Variants in SORCS2 observed in about 807,000 individuals in gnomAD.
SORCS2 encodes sortilin related VPS10 domain containing receptor 2, also known as VPS10 domain-containing receptor SorCS2.
A neutral mutation model predicts 141.6 loss-of-function variants in SORCS2; 100 were observed. The observed-to-expected ratio is 0.71, with a 90% CI of 0.60 to 0.83. The LOEUF is 0.83. SORCS2 is among the 40% of genes least tolerant of loss of function. The pLI is 0.00. For synonymous variants in SORCS2, 789 were observed against 676.9 expected, an observed-to-expected ratio of 1.17 and a Z score of -2.57; for missense variants, 1,646 against 1,560.2, an observed-to-expected ratio of 1.05 and a Z score of -0.93.
intron 4 of SORCS2, among the ~76,000 whole-genome samples, chr4:7,653,269 G>A (rs1293182257): frequency 6.6e-6 from 1 of 152,146 alleles, no homozygotes; most frequent in African/African-American, 2.4e-5. Flanking sequence ...TTCAGGTGGA[G>A]TTTTGCTCTT....
chr4:7,378,436 G>A (rs536673170), intron 1 of SORCS2, among the ~76,000 whole-genome samples: 1 of 152,272 alleles, frequency 6.6e-6, no homozygotes, highest in South Asian at 2.1e-4. Context: ...TAATCATGGT[G>A]GAAGAGGAAG....
chr4:7,430,460 C>T (rs991965399), intron 2 of SORCS2: 1 of 152,296 alleles, frequency 6.6e-6, no homozygotes, highest in African/African-American at 2.4e-5. Context: ...CCCTCTGCAT[C>T]TGGTGTGGCC....
intron 1 of SORCS2, among the ~76,000 whole-genome samples, chr4:7,205,115 A>C (rs1727664510): frequency 6.6e-6 from 1 of 152,194 alleles, no homozygotes; most frequent in South Asian, 2.1e-4. Flanking sequence ...CTGATTTTTC[A>C]TTTGACCATC....
intron 1 of SORCS2, among the ~76,000 whole-genome samples, chr4:7,278,312 T>A (rs1715643509): frequency 6.6e-6 from 1 of 152,174 alleles, no homozygotes; most frequent in Non-Finnish European, 1.5e-5. Flanking sequence ...GTCTGCCTGG[T>A]TGGGACGAGT....
At chr4:7,703,156 G>C (rs1317514334) in intron 12 of SORCS2, 124 bp from the exon 13 acceptor site, 2 of 718,762 alleles carry the variant, frequency 2.8e-6, no homozygotes, top group African/African-American at 3.6e-5. Flanking sequence ...CCTCAGACCG[G>C]CCTTGGCCTC....
intron 2 of SORCS2, chr4:7,434,650 C>A: frequency 6.2e-7 from 1 of 1,613,278 alleles, no homozygotes; most frequent in Non-Finnish European, 8.5e-7. Context: ...AGGGTTCAGC[C>A]CATTGCCAGC....
At chr4:7,296,493 C>T (rs535916041) in intron 1 of SORCS2, among the ~76,000 whole-genome samples, 68 of 152,268 alleles carry the variant, frequency 4.5e-4, no homozygotes, top group African/African-American at 1.5e-3. Context: ...GGGCCCTCTG[C>T]GGGACTCCAC....
At chr4:7,288,801 A>G (rs7684433) in intron 1 of SORCS2, among the ~76,000 whole-genome samples, 93,088 of 118,076 alleles carry the variant, frequency 0.79, 36,021 homozygotes, top group Non-Finnish European at 0.82. Flanking sequence ...TGGGGGGGGG[A>G]GTTGGGGAGG....
chr4:7,376,623 G>C (rs1315337165), intron 1 of SORCS2, among the ~76,000 whole-genome samples: 1 of 151,984 alleles, frequency 6.6e-6, no homozygotes, highest in Non-Finnish European at 1.5e-5. Flanking sequence ...ATACCCAGAG[G>C]TCATTATTTT....
chr4:7,685,949 G>A (rs1434581101), intron 10 of SORCS2, among the ~76,000 whole-genome samples: 1 of 152,184 alleles, frequency 6.6e-6, no homozygotes, highest in Non-Finnish European at 1.5e-5. Flanking sequence ...GGGAAATAAG[G>A]TATCACCAGA....
At chr4:7,626,473 C>T (rs751451458) in intron 3 of SORCS2, among the ~76,000 whole-genome samples, 3 of 152,188 alleles carry the variant, frequency 2.0e-5, no homozygotes, top group Non-Finnish European at 4.4e-5. Flanking sequence ...AATGTACTAT[C>T]GTCTCGTCAC....
Position 7,349,470 on chromosome 4 carries a change from C to T in SORCS2, c.481-46818C>T, listed in dbSNP as rs4082661. On this transcript the variant is annotated intron_variant, in intron 1 of 26. Transcript: ENST00000507866. Reference sequence around the variant, plus strand: ...CGCCAGGCTGCCTAGACTTTATCCCCAGGCCCTGGAGAGGCCCAGGAGGTC... The same window carrying T: ...CGCCAGGCTGCCTAGACTTTATCCCTAGGCCCTGGAGAGGCCCAGGAGGTC... Among the ~76,000 whole-genome samples, 543 of 152,208 alleles carry T rather than the reference C, an allele frequency of 3.6e-3. 2 individuals are homozygous for T. The highest frequency in any genetic ancestry group is 0.013 in the African/African-American group (525 of 41,530).
At chr4:7,584,377 A>T (rs1369412876) in intron 3 of SORCS2, among the ~76,000 whole-genome samples, 1 of 152,174 alleles carries the variant, frequency 6.6e-6, no homozygotes, top group Non-Finnish European at 1.5e-5. Flanking sequence ...TTGGAAACTG[A>T]AAGAGTACAT....
At chr4:7,509,201 G>GC (rs987796046) in intron 2 of SORCS2, among the ~76,000 whole-genome samples, 12 of 152,070 alleles carry the variant, frequency 7.9e-5, no homozygotes, top group Admixed American at 2.0e-4. Flanking sequence ...AGCATTCGCT[G>GC]CCCCCCCAGA....
At chr4:7,613,126 G>T (rs574622730) in intron 3 of SORCS2, among the ~76,000 whole-genome samples, 1 of 152,246 alleles carries the variant, frequency 6.6e-6, no homozygotes, top group Admixed American at 6.5e-5. Context: ...CTCTGAAGGA[G>T]GTGTCAGCCT....
At chr4:7,451,423 T>A (rs1728459521) in intron 2 of SORCS2, among the ~76,000 whole-genome samples, 1 of 152,250 alleles carries the variant, frequency 6.6e-6, no homozygotes. Context: ...TTCCACCCTC[T>A]TAGCAGCTGG....
At chr4:7,709,248 C>T (rs11934295) in intron 14 of SORCS2, among the ~76,000 whole-genome samples, 33,838 of 152,208 alleles carry the variant, frequency 0.22, 4,243 homozygotes, top group Admixed American at 0.33. Flanking sequence ...CAGAGGTTGA[C>T]AGCCTTCTCC....
intron 1 of SORCS2, among the ~76,000 whole-genome samples, chr4:7,380,403 G>A (rs567201948): frequency 3.9e-5 from 6 of 152,356 alleles, no homozygotes; most frequent in South Asian, 2.1e-4. Context: ...GACAGGTAGC[G>A]AGCTCCCCGT....
intron 6 of SORCS2, among the ~76,000 whole-genome samples, 155 bp downstream of exon 6, chr4:7,661,719 G>C (rs1219979001): frequency 6.6e-6 from 1 of 152,216 alleles, no homozygotes; most frequent in Non-Finnish European, 1.5e-5. Flanking sequence ...AAATGTGCTT[G>C]TTTTCCAGCT....
Sources: gnomAD v4.1 joint callset for allele counts (sites outside exome capture counted in the v4.1 genomes callset) on GRCh38, gnomAD v4.1.1 for gene constraint, MANE v1.5 for transcripts, NCBI Gene and HGNC (gene_info 2026-07-23, HGNC 2026-07-21) for gene names.